Variants in RBFOX1 observed in about 807,000 individuals in gnomAD.
RBFOX1 encodes RNA binding fox-1 homolog 1.
Under a neutral mutation model 57.7 loss-of-function variants are expected in RBFOX1, and 8 were observed. The observed-to-expected ratio is 0.14, with a 90% CI of 0.08 to 0.25. The LOEUF (loss-of-function observed/expected upper bound fraction) is 0.25, where lower values mean the gene tolerates loss of function less well. Among genes scored for constraint, RBFOX1 ranks in the 10% least tolerant of loss-of-function variants. The pLI is 1.00. For missense variants in RBFOX1, 611 were observed against 548.5 expected (o/e 1.11, Z -1.14); for synonymous variants, 326 against 222.4 (o/e 1.47, Z -4.15).
intron 1 of RBFOX1, among the ~76,000 whole-genome samples, chr16:6,233,118 G>C (rs866884889): frequency 6.6e-6 from 1 of 152,164 alleles, no homozygotes; most frequent in Non-Finnish European, 1.5e-5. Flanking sequence ...GATAGAGAGA[G>C]ATGAGGCTGG....
chr16:6,546,495 C>T (rs996284942), intron 2 of RBFOX1, among the ~76,000 whole-genome samples: 1 of 152,156 alleles, frequency 6.6e-6, no homozygotes, highest in Non-Finnish European at 1.5e-5. Flanking sequence ...AGTAATGGCA[C>T]TCTCTGGCAT....
intron 4 of RBFOX1, among the ~76,000 whole-genome samples, chr16:7,251,578 C>T (rs1295863925): frequency 2.0e-5 from 3 of 151,930 alleles, no homozygotes; most frequent in African/African-American, 7.3e-5. Context: ...CGCCATCAAG[C>T]CCAGCTAATT....
At chr16:6,173,335 T>C (rs572030868) in intron 1 of RBFOX1, among the ~76,000 whole-genome samples, 6 of 152,290 alleles carry the variant, frequency 3.9e-5, no homozygotes, top group Non-Finnish European at 7.4e-5. Context: ...ATTGAAGAGA[T>C]CCAATGTCTT....
chr16:5,372,844 A>G (rs1349128640), intron 1 of RBFOX1, among the ~76,000 whole-genome samples: 1 of 152,216 alleles, frequency 6.6e-6, no homozygotes, highest in East Asian at 1.9e-4. Flanking sequence ...ATCCTTTGGA[A>G]TCAAAACACA....
chr16:7,443,991 C>A (rs540310770), intron 4 of RBFOX1, among the ~76,000 whole-genome samples: 1 of 152,220 alleles, frequency 6.6e-6, no homozygotes, highest in African/African-American at 2.4e-5. Flanking sequence ...GAGAAACTTC[C>A]ACTTTGCCTA....
chr16:6,394,709 A>G (rs1013615), intron 2 of RBFOX1, among the ~76,000 whole-genome samples: 8,811 of 151,606 alleles, frequency 0.058, 336 homozygotes, highest in African/African-American at 0.099. Flanking sequence ...TGTGTGTGTA[A>G]GTATGTATAT....
intron 2 of RBFOX1, among the ~76,000 whole-genome samples, chr16:6,407,053 C>CA (rs2152962370): frequency 6.6e-6 from 1 of 152,244 alleles, no homozygotes; most frequent in South Asian, 2.1e-4. Context: ...CATTATTTCA[C>CA]AACAACATGG....
chr16:7,200,648 G>A (rs750144544), intron 4 of RBFOX1, among the ~76,000 whole-genome samples: 1 of 152,104 alleles, frequency 6.6e-6, no homozygotes, highest in East Asian at 1.9e-4. Context: ...TAGAGTGCTT[G>A]GAAATAGTTC....
chr16:6,972,389 C>G lies in RBFOX1; in HGVS notation c.-15-79668C>G, dbSNP rs147361849. ...GGCTTATATCACTTAGCATAATGTCCTCAGGGTTCATCCATGGTGTAGGAT... is the reference window on the plus strand; with the variant it reads ...GGCTTATATCACTTAGCATAATGTCGTCAGGGTTCATCCATGGTGTAGGAT... On this transcript the variant is annotated intron_variant, in intron 3 of 15. Transcript: ENST00000550418. Among the ~76,000 whole-genome samples, 427 of 152,148 alleles carry G rather than the reference C, an allele frequency of 2.8e-3. 1 individual carries two copies. Among genetic ancestry groups the G allele is most frequent in the African/African-American group, 1.0e-2 (415 of 41,508 alleles).
chr16:5,766,410 C>G (rs2053780160), intron 3 of RBFOX1, among the ~76,000 whole-genome samples: 1 of 152,068 alleles, frequency 6.6e-6, no homozygotes, highest in South Asian at 2.1e-4. Flanking sequence ...CATGACGAAA[C>G]CTCGTCTCTA....
At chr16:5,613,212 C>G (rs909213844) in intron 3 of RBFOX1, among the ~76,000 whole-genome samples, 1 of 152,232 alleles carries the variant, frequency 6.6e-6, no homozygotes, top group Non-Finnish European at 1.5e-5. Context: ...TTCCTTCAGG[C>G]TTCAGAAGAA....
chr16:6,380,125 G>A (rs1186853578), intron 2 of RBFOX1, among the ~76,000 whole-genome samples: 1 of 152,100 alleles, frequency 6.6e-6, no homozygotes, highest in East Asian at 1.9e-4. Context: ...TCTGAGAGGT[G>A]GGGGAGGTTG....
intron 3 of RBFOX1, among the ~76,000 whole-genome samples, chr16:5,646,324 A>T (rs2049054796): frequency 6.6e-6 from 1 of 150,922 alleles, no homozygotes; most frequent in Middle Eastern, 3.4e-3. Flanking sequence ...TGTGTTGTGG[A>T]GATAGGGTCT....
Position 6,780,254 on chromosome 16 carries a change from T to TATAC in RBFOX1, c.-16+125607_-16+125608insCATA, listed in dbSNP as rs2080586158. Among the ~76,000 whole-genome samples the TATAC allele has an allele frequency of 4.6e-5, 4 of 86,070 alleles. No homozygotes were observed. In the Admixed American group the frequency reaches 6.6e-4, roughly 14 times the overall value. 56.5% of individuals were successfully genotyped at this position (86,070 alleles called of 152,430 possible). A position where few individuals can be genotyped will look rare whatever the true frequency, so the allele number is the denominator to read the frequency against. ...ATTTATATATATTTACATATATATTTATATATATATTTATACATATATATA... is the reference window on the plus strand; with the variant it reads ...ATTTATATATATTTACATATATATTTATACATATATATATTTATACATATATATA... On this transcript the variant is annotated intron_variant, in intron 3 of 15. Transcript: ENST00000550418.
chr16:7,705,154 G>C (rs1316066964), intron 14 of RBFOX1, among the ~76,000 whole-genome samples: 1 of 152,136 alleles, frequency 6.6e-6, no homozygotes, highest in African/African-American at 2.4e-5. Flanking sequence ...CAGGTGGAGG[G>C]TGAGCAAGTG....
At chr16:6,424,887 G>C (rs372517692) in intron 2 of RBFOX1, among the ~76,000 whole-genome samples, 1 of 152,048 alleles carries the variant, frequency 6.6e-6, no homozygotes, top group South Asian at 2.1e-4. Context: ...AACACTATTT[G>C]CACTATGTTT....
intron 1 of RBFOX1, among the ~76,000 whole-genome samples, chr16:5,332,942 T>G (rs1235022194): frequency 3.3e-5 from 5 of 152,124 alleles, no homozygotes; most frequent in Admixed American, 3.3e-4. Context: ...TCCCAGCACT[T>G]TGGGAGGCCA....
intron 3 of RBFOX1, among the ~76,000 whole-genome samples, chr16:5,670,645 C>G (rs1402210145): frequency 3.9e-5 from 6 of 152,326 alleles, no homozygotes; most frequent in South Asian, 2.1e-4. Flanking sequence ...CATTTCTTGC[C>G]TTTTTACTCA....
At chr16:7,417,562 T>G (rs967769806) in intron 4 of RBFOX1, among the ~76,000 whole-genome samples, 42 of 89,966 alleles carry the variant, frequency 4.7e-4, no homozygotes, top group Non-Finnish European at 8.7e-4. Context: ...GTGTGTGTGT[T>G]CACTTCTCTG....
Sources: allele counts gnomAD v4.1 joint callset (sites outside exome capture counted in the v4.1 genomes callset), GRCh38; gene constraint gnomAD v4.1.1; transcripts MANE v1.5; gene names NCBI Gene and HGNC (gene_info 2026-07-23, HGNC 2026-07-21).